The following CERT1 variants were observed in gnomAD, a reference collection of about 807,000 sequenced individuals.
CERT1 encodes the protein ceramide transporter 1, also known as ceramide transfer protein.
Under a neutral mutation model 87.9 loss-of-function variants are expected in CERT1, and 31 were observed. The observed-to-expected ratio is 0.35, with a 90% CI of 0.27 to 0.48. CERT1 has a LOEUF of 0.48. CERT1 is among the 20% of genes least tolerant of loss of function. The pLI, the probability that CERT1 is intolerant of heterozygous loss-of-function variation, is 0.99. For missense variants in CERT1, 487 were observed against 758.0 expected (o/e 0.64, Z 4.20); for synonymous variants, 289 against 250.9 (o/e 1.15, Z -1.44).
At chr5:75,404,710 C>A (rs1762635686) in intron 8 of CERT1, among the ~76,000 whole-genome samples, 1 of 152,088 alleles carries the variant, frequency 6.6e-6, no homozygotes, top group South Asian at 2.1e-4. Flanking sequence ...TTGAAAACTA[C>A]AGCATTTAAA....
intron 16 of CERT1, among the ~76,000 whole-genome samples, chr5:75,380,557 G>A (rs1284880792): frequency 6.6e-6 from 1 of 152,064 alleles, no homozygotes; most frequent in Non-Finnish European, 1.5e-5. Context: ...GGGAGGCCGA[G>A]GTGGGTGGAT....
chr5:75,443,942 A>G (rs996699541), intron 3 of CERT1, among the ~76,000 whole-genome samples: 29 of 152,280 alleles, frequency 1.9e-4, no homozygotes, highest in African/African-American at 7.0e-4. Context: ...ATTTTCTCTG[A>G]TATTACTATA....
At chr5:75,511,804 G>T, upstream of CERT1, 3 of 1,551,532 alleles carry the variant, frequency 1.9e-6, no homozygotes, top group Non-Finnish European at 2.6e-6. Flanking sequence ...AGGAGGAGCG[G>T]AGAAAGGAGA....
chr5:75,511,817 G>A (rs1221172504), upstream of CERT1: 10 of 1,551,468 alleles, frequency 6.4e-6, 1 homozygote, highest in South Asian at 1.2e-4. Context: ...AAAGGAGAGG[G>A]CGGGGTAGGG....
intron 3 of CERT1, among the ~76,000 whole-genome samples, chr5:75,431,093 A>C (rs1340744119): frequency 6.6e-6 from 1 of 152,154 alleles, no homozygotes; most frequent in Non-Finnish European, 1.5e-5. Context: ...CAGGCAATAC[A>C]TGTGGAGGTT....
chr5:75,448,916 A>C (rs1238592906), intron 3 of CERT1, among the ~76,000 whole-genome samples: 1 of 152,192 alleles, frequency 6.6e-6, no homozygotes, highest in Non-Finnish European at 1.5e-5. Context: ...AGACGAAAAA[A>C]GGATAGAGAA....
At chr5:75,472,597 T>A (rs1025342994) in intron 2 of CERT1, among the ~76,000 whole-genome samples, 7 of 151,990 alleles carry the variant, frequency 4.6e-5, no homozygotes, top group Non-Finnish European at 8.8e-5. Flanking sequence ...ATTAAAAAAA[T>A]GCACAAACAC....
chr5:75,505,326 A>G (rs1208738643), intron 2 of CERT1: 1 of 152,992 alleles, frequency 6.5e-6, no homozygotes, highest in Non-Finnish European at 1.5e-5. Context: ...AAAAAGAACA[A>G]CAAAATGTAA....
Position 75,379,000 on chromosome 5 carries a change from A to G in CERT1, c.*346T>C, listed in dbSNP as rs1761442271. Reference sequence around the variant, plus strand: ...TCAAGACCAGCTTGGGTAACATAGCAAGACCCCTATCTCTACAAAAAATAA... The same window carrying G: ...TCAAGACCAGCTTGGGTAACATAGCGAGACCCCTATCTCTACAAAAAATAA... On this transcript the variant is annotated 3_prime_UTR_variant, in exon 17 of 17. Coordinates refer to ENST00000643780, the MANE Select transcript of CERT1 (RefSeq NM_001379029.1). The G allele has an allele frequency of 1.2e-5, 2 of 168,824 alleles. No homozygotes were observed. Among genetic ancestry groups the G allele is most frequent in the African/African-American group, 2.4e-5 (1 of 41,896 alleles). 10.5% of individuals were successfully genotyped at this position (168,824 alleles called of 1,614,324 possible). A position where few individuals can be genotyped will look rare whatever the true frequency, so the allele number is the denominator to read the frequency against.
At chr5:75,431,340 C>T (rs1727062917) in intron 3 of CERT1, among the ~76,000 whole-genome samples, 1 of 152,136 alleles carries the variant, frequency 6.6e-6, no homozygotes. Flanking sequence ...TGTGTTAATT[C>T]ACTTAGGATA....
At chr5:75,405,066 T>C (rs1762649765) in intron 8 of CERT1, among the ~76,000 whole-genome samples, 5 of 152,120 alleles carry the variant, frequency 3.3e-5, no homozygotes, top group Admixed American at 3.3e-4. Flanking sequence ...CCAAATGAAA[T>C]GGTTTTTCCT....
chr5:75,508,521 A>G (rs745742798), intron 1 of CERT1, among the ~76,000 whole-genome samples: 4 of 152,174 alleles, frequency 2.6e-5, no homozygotes, highest in Non-Finnish European at 4.4e-5. Context: ...TAGCTGTATC[A>G]TGACACCTGG....
intron 8 of CERT1, 172 bp downstream of exon 8, chr5:75,410,839 T>C (rs1398193308): frequency 1.2e-5 from 5 of 409,488 alleles, no homozygotes; most frequent in African/African-American, 8.3e-5. Flanking sequence ...AAATATATAT[T>C]TGAGCATGCC....
chr5:75,420,647 C>A (rs1763339535), intron 5 of CERT1, among the ~76,000 whole-genome samples: 1 of 152,134 alleles, frequency 6.6e-6, no homozygotes, highest in Non-Finnish European at 1.5e-5. Flanking sequence ...TAATTCCAGA[C>A]AAAAACAGAA....
intron 2 of CERT1, among the ~76,000 whole-genome samples, chr5:75,470,699 C>T (rs1022412284): frequency 1.3e-5 from 2 of 152,160 alleles, no homozygotes; most frequent in East Asian, 1.9e-4. Context: ...AGATCCTGAA[C>T]AAGACAAGAA....
At chr5:75,483,066 A>G (rs1455386088) in intron 2 of CERT1, among the ~76,000 whole-genome samples, 1 of 152,210 alleles carries the variant, frequency 6.6e-6, no homozygotes, top group African/African-American at 2.4e-5. Context: ...TAAATCCCAG[A>G]ATGACAGAGA....
intron 3 of CERT1, among the ~76,000 whole-genome samples, chr5:75,452,293 C>T (rs1345060980): frequency 6.6e-6 from 1 of 152,150 alleles, no homozygotes; most frequent in Admixed American, 6.5e-5. Flanking sequence ...TGGATAATTT[C>T]CACAACGTGG....
At chr5:75,484,369 C>CT (rs1393595237) in intron 2 of CERT1, among the ~76,000 whole-genome samples, 5 of 145,394 alleles carry the variant, frequency 3.4e-5, no homozygotes, top group Non-Finnish European at 7.6e-5. Context: ...AAACAAATAA[C>CT]AAAATGGCAG....
intron 11 of CERT1, among the ~76,000 whole-genome samples, chr5:75,395,911 A>C (rs1012312070): frequency 6.6e-6 from 1 of 152,012 alleles, no homozygotes. Context: ...ACAACAACAA[A>C]AACACAGAAC....
Sources: gnomAD v4.1 joint callset for allele counts (sites outside exome capture counted in the v4.1 genomes callset) on GRCh38, gnomAD v4.1.1 for gene constraint, MANE v1.5 for transcripts, NCBI Gene and HGNC (gene_info 2026-07-23, HGNC 2026-07-21) for gene names.